CTBP2: variants seen among roughly 807,000 people sequenced by gnomAD.
CTBP2 encodes the protein C-terminal binding protein 2.
A neutral mutation model predicts 80.3 loss-of-function variants in CTBP2; 30 were observed. The observed-to-expected ratio is 0.37, with a 90% CI of 0.28 to 0.51. The LOEUF (loss-of-function observed/expected upper bound fraction) is 0.51. Ranked by LOEUF, CTBP2 falls within the 20% of genes least tolerant of loss-of-function variation. The probability of loss-of-function intolerance (pLI) is 0.93; values close to 1 mark genes in which losing one functional copy is unlikely to be tolerated. For synonymous variants in CTBP2, 594 were observed against 587.4 expected, an observed-to-expected ratio of 1.01 and a Z score of -0.16; for missense variants, 1,212 against 1,375.3, an observed-to-expected ratio of 0.88 and a Z score of 1.88.
chr10:125,159,846 C>A (rs1025628631), intron 1 of CTBP2: 1 of 151,120 alleles, frequency 6.6e-6, no homozygotes, highest in Non-Finnish European at 1.5e-5. Context: ...GGCCCCCGGG[C>A]GCGCACCCAC....
rs536994713 is a variant in CTBP2, at chr10:125,101,417, T to C, written c.-102+9573A>G. ...GTCCATTACGAAACAGATGTCCAGG[T>C]GGGCATAGGAGCGGGTGCAGCAGCA... On this transcript the variant is annotated intron_variant, in intron 2 of 10. Transcript: ENST00000337195. Among the ~76,000 whole-genome samples, 3 of 152,336 alleles carry C rather than the reference T, an allele frequency of 2.0e-5. No individual in the cohort carries two copies. The South Asian group carries it at 6.2e-4, about 32-fold the overall frequency.
At chr10:125,076,900 G>A (rs1846351091) in intron 2 of CTBP2, among the ~76,000 whole-genome samples, 1 of 152,032 alleles carries the variant, frequency 6.6e-6, no homozygotes, top group Non-Finnish European at 1.5e-5. Context: ...CCTTTAAATG[G>A]TCATTTCTGC....
In CTBP2 at chr10:125,027,976, C is replaced by T. The variant is rs962516774; in HGVS notation, c.-217G>A. 2 of 1,333,166 alleles carry T rather than the reference C, an allele frequency of 1.5e-6. No homozygotes were observed. Among genetic ancestry groups the T allele is most frequent in the Admixed American group, 3.1e-5 (1 of 31,910 alleles). 82.6% of individuals were successfully genotyped at this position (1,333,166 alleles called of 1,614,324 possible). A position where few individuals can be genotyped will look rare whatever the true frequency, so the allele number is the denominator to read the frequency against. On this transcript the variant is annotated 5_prime_UTR_variant, in exon 1 of 9. Coordinates refer to ENST00000309035, the MANE Select transcript of CTBP2 (RefSeq NM_022802.3). The stretch of plus-strand genomic sequence containing the variant: ...GACTCACGGTAACTTTGCCTCACTC[C>T]CCAACGATAGCCAGAGAGGTCTGTT...
At chr10:125,038,197 C>T (rs771203565) in intron 3 of CTBP2, among the ~76,000 whole-genome samples, 5 of 152,166 alleles carry the variant, frequency 3.3e-5, no homozygotes, top group Non-Finnish European at 7.3e-5. Flanking sequence ...CAGGGGAAGC[C>T]CTGTGGGTTG....
intron 1 of CTBP2, among the ~76,000 whole-genome samples, chr10:125,154,366 C>T (rs1227469200): frequency 6.6e-6 from 1 of 152,156 alleles, no homozygotes; most frequent in Non-Finnish European, 1.5e-5. Context: ...ATTCAGGGTT[C>T]CCATCCTTTA....
At chr10:125,005,710 C>T (rs753863480) in intron 1 of CTBP2, 7 of 1,612,926 alleles carry the variant, frequency 4.3e-6, no homozygotes, top group Non-Finnish European at 5.1e-6. Flanking sequence ...GGTACAACTG[C>T]CAAATTCCAC....
At chr10:125,151,709 T>C (rs1457283005) in intron 1 of CTBP2, among the ~76,000 whole-genome samples, 1 of 152,174 alleles carries the variant, frequency 6.6e-6, no homozygotes, top group Non-Finnish European at 1.5e-5. Context: ...TCCCCGCCCC[T>C]GCTCTGAGCC....
At chr10:125,036,397 C>G (rs1958870700) in intron 3 of CTBP2, among the ~76,000 whole-genome samples, 1 of 151,984 alleles carries the variant, frequency 6.6e-6, no homozygotes, top group Non-Finnish European at 1.5e-5. Flanking sequence ...TTTTAAGGAG[C>G]TGGTGTATCC....
rs558682693 is a variant in CTBP2, at chr10:125,009,583, G to A, written c.1679-6091C>T. Among the ~76,000 whole-genome samples, 3 of 152,300 alleles carry A rather than the reference G, an allele frequency of 2.0e-5. No individual in the cohort carries two copies. The East Asian group carries it at 5.8e-4, about 29-fold the overall frequency. ...AATCCAGCATGACCCGATCCCCACT[G>A]GCTGAGCTCAGCAGACCTGATTTCT... On this transcript the variant is annotated intron_variant, in intron 1 of 8. Coordinates refer to ENST00000309035, the MANE Select transcript of CTBP2 (RefSeq NM_022802.3).
In CTBP2 at chr10:125,049,687, G is replaced by A. The variant is rs78750525; in HGVS notation, c.-101-10532C>T. On this transcript the variant is annotated intron_variant, in intron 2 of 10. Coordinates refer to the CTBP2 transcript ENST00000337195. ...TGGGAAAGGGGAGTTCAAGCTGGAC[G>A]GGCAGAGATAAGCTATCAAAGCAAA... Among the ~76,000 whole-genome samples, 1,106 of 152,210 alleles carry A rather than the reference G, an allele frequency of 7.3e-3. 20 individuals carry two copies. The highest frequency in any genetic ancestry group is 0.026 in the African/African-American group (1,060 of 41,540).
intron 2 of CTBP2, among the ~76,000 whole-genome samples, chr10:125,060,105 T>C (rs762935026): frequency 6.6e-6 from 1 of 152,186 alleles, no homozygotes; most frequent in Non-Finnish European, 1.5e-5. Context: ...CAGTCACTCT[T>C]TTGAAGAGTG....
intron 1 of CTBP2, among the ~76,000 whole-genome samples, chr10:125,142,215 G>C (rs768926438): frequency 6.6e-6 from 1 of 152,140 alleles, no homozygotes; most frequent in Non-Finnish European, 1.5e-5. Context: ...CTTTTGGTCC[G>C]ACCTGTCCAG....
At chr10:125,088,548 T>C (rs988075660) in intron 2 of CTBP2, among the ~76,000 whole-genome samples, 2 of 152,154 alleles carry the variant, frequency 1.3e-5, no homozygotes, top group Non-Finnish European at 2.9e-5. Context: ...CATTTATCAA[T>C]CAATGCAATG....
rs572456388 is a variant in CTBP2 at position 125,056,173 on chromosome 10, A to T, written c.-101-17018T>A. ...CAGCGAGATTGTGTCTCAAAAATAA[A>T]AATAATAATAATAATAATAATAGTA... is the stretch of plus-strand genomic sequence containing the variant. On this transcript the variant is annotated intron_variant, in intron 2 of 10. Coordinates refer to the CTBP2 transcript ENST00000337195. 6.3e-3 allele frequency among the ~76,000 whole-genome samples: 936 copies of T among 149,372 alleles called. 7 individuals carry two copies. The highest frequency in any genetic ancestry group is 8.6e-3 in the Non-Finnish European group (578 of 67,504).
At chr10:125,070,264 T>C (rs1408574352) in intron 2 of CTBP2, among the ~76,000 whole-genome samples, 5 of 152,118 alleles carry the variant, frequency 3.3e-5, no homozygotes, top group Non-Finnish European at 7.4e-5. Context: ...GGCAGGAGAA[T>C]CCCTTGAACT....
At chr10:125,144,600 C>T (rs1037922148) in intron 1 of CTBP2, among the ~76,000 whole-genome samples, 5 of 152,128 alleles carry the variant, frequency 3.3e-5, no homozygotes, top group Non-Finnish European at 5.9e-5. Context: ...CTCCCAAATC[C>T]GCTTGCATCA....
chr10:125,151,079 C>T (rs1859762582), intron 1 of CTBP2, among the ~76,000 whole-genome samples: 1 of 152,094 alleles, frequency 6.6e-6, no homozygotes, highest in African/African-American at 2.4e-5. Context: ...GTGCCAGACA[C>T]TAAGTAAGTG....
At position 125,139,308 on chromosome 10, in the gene CTBP2, C is replaced by A. The variant is rs186054531; in HGVS notation, c.-206+21011G>T. ...TGCTTCAAACCAGGAGGCAGAGGTT[C>A]CAGTGAGCCGAGATTGCACCACTGT... is the stretch of plus-strand genomic sequence containing the variant. On this transcript the variant is annotated intron_variant, in intron 1 of 10. Coordinates refer to the CTBP2 transcript ENST00000337195. Among the ~76,000 whole-genome samples, 1,166 of 145,068 alleles carry A rather than the reference C, an allele frequency of 8.0e-3. 6 individuals are homozygous for A. Among genetic ancestry groups the A allele is most frequent in the Middle Eastern group, 0.015 (4 of 260 alleles).
chr10:125,083,453 C>T (rs547361751), intron 2 of CTBP2, among the ~76,000 whole-genome samples: 28 of 152,186 alleles, frequency 1.8e-4, no homozygotes, highest in Admixed American at 1.8e-3. Flanking sequence ...CATGTGCAGA[C>T]CCCCGACCTG....
Sources: allele counts gnomAD v4.1 joint callset (sites outside exome capture counted in the v4.1 genomes callset), GRCh38; gene constraint gnomAD v4.1.1; transcripts MANE v1.5; gene names NCBI Gene and HGNC (gene_info 2026-07-23, HGNC 2026-07-21).